Variants in MEIS1 observed in about 807,000 individuals in gnomAD.
The protein encoded by MEIS1 is Meis homeobox 1, also known as homeobox protein Meis1.
A neutral mutation model predicts 50.8 loss-of-function variants in MEIS1; 5 were observed. The observed-to-expected ratio is 0.10, with a 90% CI of 0.05 to 0.21. MEIS1 has a LOEUF of 0.21. Ranked by LOEUF, MEIS1 falls within the 10% of genes least tolerant of loss-of-function variation. The pLI is 1.00. For synonymous variants in MEIS1, 176 were observed against 179.3 expected, an observed-to-expected ratio of 0.98 and a Z score of 0.15; for missense variants, 318 against 517.3, an observed-to-expected ratio of 0.61 and a Z score of 3.74.
chr2:66,492,069 T>TTG (rs139510530), intron 7 of MEIS1, among the ~76,000 whole-genome samples: 16,131 of 144,486 alleles, frequency 0.11, 962 homozygotes, highest in South Asian at 0.25. Context: ...GAGCGTTCAC[T>TTG]TGTGTGTGTG....
intron 8 of MEIS1, among the ~76,000 whole-genome samples, chr2:66,533,400 T>C (rs1046730030): frequency 6.6e-6 from 1 of 152,178 alleles, no homozygotes; most frequent in Non-Finnish European, 1.5e-5. Context: ...ACTTAGGCAC[T>C]TACAGCAATG....
chr2:66,452,052 A>T (rs1045821762), intron 6 of MEIS1, among the ~76,000 whole-genome samples: 6 of 151,956 alleles, frequency 3.9e-5, no homozygotes, highest in African/African-American at 1.4e-4. Flanking sequence ...CAAATAGGTA[A>T]GATGCTATTT....
rs755348268 is a variant in MEIS1 at position 66,442,983 on chromosome 2, G to A, written c.565G>A (p.Asp189Asn). 6.2e-6 allele frequency: 10 copies of A among 1,605,252 alleles called. No homozygotes were observed. The highest frequency in any genetic ancestry group is 4.5e-5 in the South Asian group (4 of 88,708). Residue 189 changes from aspartate to asparagine, a missense_variant, in exon 6 of 13, where the codon GAT becomes AAT. By Grantham distance (23) the Asp-to-Asn change is conservative (BLOSUM62 1). Transcript: ENST00000272369. ...GKMPIDLVID[D>N]REGGSKSDSE... The stretch of plus-strand genomic sequence containing the variant: ...AATGCCTATCGATTTGGTGATAGAC[G>A]ATAGAGAAGGAGGATCAAAATCAGA...
chr2:66,539,890 G>A (rs958679197), intron 8 of MEIS1, among the ~76,000 whole-genome samples: 3 of 152,136 alleles, frequency 2.0e-5, no homozygotes, highest in Admixed American at 2.0e-4. Flanking sequence ...GAGTGGAGGA[G>A]CAGGGAAATG....
intron 8 of MEIS1, among the ~76,000 whole-genome samples, chr2:66,522,306 A>C (rs1314993491): frequency 1.3e-5 from 2 of 152,200 alleles, no homozygotes; most frequent in African/African-American, 4.8e-5. Context: ...AGAATATCAA[A>C]TCTGTTACTA....
intron 7 of MEIS1, among the ~76,000 whole-genome samples, chr2:66,486,129 T>C (rs1476181977): frequency 6.6e-6 from 1 of 152,228 alleles, no homozygotes; most frequent in Non-Finnish European, 1.5e-5. Context: ...ATTTTGGCTT[T>C]TGTTGCCATT....
chr2:66,558,108 C>T (rs970649600), intron 9 of MEIS1, among the ~76,000 whole-genome samples: 3 of 151,672 alleles, frequency 2.0e-5, no homozygotes, highest in Non-Finnish European at 4.4e-5. Context: ...AGAAAAACCC[C>T]GTCTCTACTA....
intron 6 of MEIS1, among the ~76,000 whole-genome samples, chr2:66,457,671 C>T (rs1042459702): frequency 2.6e-5 from 4 of 152,108 alleles, no homozygotes; most frequent in African/African-American, 7.2e-5. Flanking sequence ...CAAGGGGAGC[C>T]GGGCTAATTA....
chr2:66,508,672 A>G (rs537394700), intron 7 of MEIS1, among the ~76,000 whole-genome samples: 1 of 152,358 alleles, frequency 6.6e-6, no homozygotes, highest in East Asian at 1.9e-4. Context: ...ACACATGGGC[A>G]GATAATATGA....
intron 7 of MEIS1, among the ~76,000 whole-genome samples, chr2:66,471,396 T>C (rs1160451561): frequency 6.6e-6 from 1 of 152,240 alleles, no homozygotes; most frequent in East Asian, 1.9e-4. Context: ...GTTTGCACAC[T>C]TGATTTGTGA....
chr2:66,543,691 C>G (rs1298750515), intron 8 of MEIS1, among the ~76,000 whole-genome samples: 1 of 152,210 alleles, frequency 6.6e-6, no homozygotes, highest in Non-Finnish European at 1.5e-5. Context: ...CCCTCTCAAT[C>G]GTTAATTCTT....
At chr2:66,552,042 C>G (rs1280170162) in intron 9 of MEIS1, among the ~76,000 whole-genome samples, 1 of 151,998 alleles carries the variant, frequency 6.6e-6, no homozygotes, top group Non-Finnish European at 1.5e-5. Context: ...CACACACACA[C>G]ACACACACAC....
At chr2:66,511,545 CTA>C (rs1455689322) in intron 7 of MEIS1, among the ~76,000 whole-genome samples, 2 of 152,108 alleles carry the variant, frequency 1.3e-5, no homozygotes, top group Non-Finnish European at 2.9e-5. Context: ...AATTAAGAAA[CTA>C]TGTCAGGGGT....
chr2:66,511,183 C>T (rs1233382601), intron 7 of MEIS1, among the ~76,000 whole-genome samples: 2 of 152,050 alleles, frequency 1.3e-5, no homozygotes, highest in African/African-American at 4.8e-5. Context: ...GCAAAAAATA[C>T]CTACTTTCCA....
chr2:66,436,799 G>A, intron 1 of MEIS1: 7 of 834,274 alleles, frequency 8.4e-6, no homozygotes, highest in Non-Finnish European at 1.0e-5. Flanking sequence ...TAACTGCCTG[G>A]AATGAACCAA....
intron 4 of MEIS1, chr2:66,441,082 C>T: frequency 2.8e-6 from 1 of 359,218 alleles, no homozygotes. Flanking sequence ...TTTCTGTCCA[C>T]TCCTTCCAAG....
chr2:66,474,527 A>G (rs1412402292), intron 7 of MEIS1, among the ~76,000 whole-genome samples: 1 of 152,202 alleles, frequency 6.6e-6, no homozygotes, highest in African/African-American at 2.4e-5. Context: ...TTGGCCTAGC[A>G]AAAACTAACC....
chr2:66,485,086 T>A (rs1164025841), intron 7 of MEIS1, among the ~76,000 whole-genome samples: 3 of 152,108 alleles, frequency 2.0e-5, no homozygotes, highest in Non-Finnish European at 2.9e-5. Context: ...TTGGCTTATA[T>A]ATATATACAC....
At chr2:66,451,893 A>T (rs1672284201) in intron 6 of MEIS1, among the ~76,000 whole-genome samples, 1 of 151,880 alleles carries the variant, frequency 6.6e-6, no homozygotes, top group East Asian at 1.9e-4. Flanking sequence ...GCCTTCCTAT[A>T]TATTTACTGC....
Sources: gnomAD v4.1 joint callset for allele counts (sites outside exome capture counted in the v4.1 genomes callset) on GRCh38, gnomAD v4.1.1 for gene constraint, MANE v1.5 for transcripts, NCBI Gene and HGNC (gene_info 2026-07-23, HGNC 2026-07-21) for gene names.